The following RBFOX1 variants were observed in gnomAD, a reference collection of about 807,000 sequenced individuals.
The protein encoded by RBFOX1 is RNA binding fox-1 homolog 1.
RBFOX1 carries 8 observed loss-of-function variants against 57.7 expected under a neutral mutation model. The observed-to-expected ratio is 0.14, with a 90% confidence interval of 0.08 to 0.25. RBFOX1 has a LOEUF of 0.25. Ranked by LOEUF, RBFOX1 falls within the 10% of genes least tolerant of loss-of-function variation. The pLI is 1.00. For missense variants in RBFOX1, 611 were observed against 548.5 expected, an observed-to-expected ratio of 1.11 and a Z score of -1.14; for synonymous variants, 326 against 222.4, an observed-to-expected ratio of 1.47 and a Z score of -4.15.
intron 4 of RBFOX1, among the ~76,000 whole-genome samples, chr16:7,222,887 C>G (rs78513301): frequency 0.027 from 4,180 of 152,148 alleles, 201 homozygotes; most frequent in African/African-American, 0.096. Context: ...TGTTTTTGTC[C>G]AAGAAGTTCA....
intron 2 of RBFOX1, among the ~76,000 whole-genome samples, chr16:6,563,672 C>G (rs111873116): frequency 1.2e-3 from 189 of 152,078 alleles, no homozygotes; most frequent in African/African-American, 4.4e-3. Context: ...GGCAAAAGCT[C>G]ATCTCTACAA....
rs138135336 is a variant in RBFOX1, at chr16:6,307,411, A to G, written c.-126-9584A>G. Among the ~76,000 whole-genome samples the G allele has an allele frequency of 5.5e-3, 840 of 151,998 alleles. 11 individuals are homozygous for G. Among genetic ancestry groups the G allele is most frequent in the African/African-American group, 0.019 (802 of 41,460 alleles). The stretch of plus-strand genomic sequence containing the variant: ...TAAAAAAAACATCATCATTATAGCT[A>G]TTAATATTGTCCAATACTAAATGGA... On this transcript the variant is annotated intron_variant, in intron 1 of 15. Coordinates refer to ENST00000550418, the MANE Select transcript of RBFOX1 (RefSeq NM_018723.4).
At chr16:7,261,331 A>G (rs1057302285) in intron 4 of RBFOX1, among the ~76,000 whole-genome samples, 5 of 152,186 alleles carry the variant, frequency 3.3e-5, no homozygotes, top group East Asian at 3.9e-4. Flanking sequence ...GCTTGTGGTT[A>G]TATCATTATC....
At chr16:6,129,004 C>T (rs2096610361) in intron 1 of RBFOX1, among the ~76,000 whole-genome samples, 1 of 152,190 alleles carries the variant, frequency 6.6e-6, no homozygotes, top group South Asian at 2.1e-4. Flanking sequence ...TCAAATGACA[C>T]TCTAGTCATT....
At chr16:6,936,013 G>A (rs1029900012) in intron 3 of RBFOX1, among the ~76,000 whole-genome samples, 1 of 152,186 alleles carries the variant, frequency 6.6e-6, no homozygotes, top group Admixed American at 6.6e-5. Flanking sequence ...GCTAAGTTTG[G>A]ATAATGGCAA....
chr16:7,213,784 A>G (rs1452426152), intron 4 of RBFOX1, among the ~76,000 whole-genome samples: 5 of 152,208 alleles, frequency 3.3e-5, no homozygotes, highest in African/African-American at 1.2e-4. Context: ...ACCAACTCAA[A>G]TCTACTTAAT....
intron 4 of RBFOX1, among the ~76,000 whole-genome samples, chr16:7,412,764 T>C (rs535100575): frequency 4.6e-5 from 7 of 152,216 alleles, no homozygotes; most frequent in Non-Finnish European, 1.0e-4. Flanking sequence ...GAATTACGAC[T>C]GGGCATGGTG....
At chr16:5,899,531 G>C (rs1482490979) in intron 4 of RBFOX1, among the ~76,000 whole-genome samples, 1 of 152,204 alleles carries the variant, frequency 6.6e-6, no homozygotes, top group Non-Finnish European at 1.5e-5. Flanking sequence ...GCCACTCTGT[G>C]TGAATTCCAC....
chr16:7,397,861 A>T (rs534485021), intron 4 of RBFOX1, among the ~76,000 whole-genome samples: 14 of 152,078 alleles, frequency 9.2e-5, no homozygotes, highest in African/African-American at 1.2e-4. Context: ...CTCTTAGTCT[A>T]TTGGAACCTT....
At chr16:6,910,808 T>C (rs1262205306) in intron 3 of RBFOX1, among the ~76,000 whole-genome samples, 2 of 152,184 alleles carry the variant, frequency 1.3e-5, no homozygotes, top group East Asian at 3.8e-4. Flanking sequence ...GGTTGTTTCC[T>C]TTTCAGTTGA....
At chr16:6,834,631 G>T (rs2092953572) in intron 3 of RBFOX1, among the ~76,000 whole-genome samples, 2 of 152,136 alleles carry the variant, frequency 1.3e-5, no homozygotes, top group Non-Finnish European at 2.9e-5. Context: ...AGCAAGGGTA[G>T]ACAGATTGTT....
chr16:6,593,267 A>T (rs2097738908), intron 2 of RBFOX1, among the ~76,000 whole-genome samples: 1 of 152,154 alleles, frequency 6.6e-6, no homozygotes, highest in South Asian at 2.1e-4. Context: ...ACTGGATCTC[A>T]TGTATTCCCT....
intron 7 of RBFOX1, among the ~76,000 whole-genome samples, chr16:7,594,613 C>G (rs1268377350): frequency 6.6e-6 from 1 of 151,968 alleles, no homozygotes; most frequent in African/African-American, 2.4e-5. Context: ...AGCCAATGTA[C>G]CTGTGGTAAA....
At chr16:6,048,199 G>T (rs2095515241) in intron 1 of RBFOX1, among the ~76,000 whole-genome samples, 1 of 152,188 alleles carries the variant, frequency 6.6e-6, no homozygotes, top group Non-Finnish European at 1.5e-5. Flanking sequence ...TGTTGAAGCT[G>T]GCTCAGGAAG....
chr16:7,292,462 TA>T, intron 4 of RBFOX1, among the ~76,000 whole-genome samples: 1 of 141,882 alleles, frequency 7.0e-6, no homozygotes, highest in African/African-American at 2.6e-5. Flanking sequence ...ATGTATTATA[TA>T]TAATATATAA....
intron 4 of RBFOX1, among the ~76,000 whole-genome samples, chr16:7,421,621 G>C (rs187991734): frequency 1.8e-3 from 272 of 152,334 alleles, no homozygotes; most frequent in South Asian, 3.5e-3. Flanking sequence ...GAGGCCCCCA[G>C]TTGGCTGCTG....
chr16:5,669,991 A>AT (rs1185022907), intron 3 of RBFOX1, among the ~76,000 whole-genome samples: 3 of 152,228 alleles, frequency 2.0e-5, no homozygotes, highest in Non-Finnish European at 4.4e-5. Context: ...ACAGCAGAGT[A>AT]TTTTTTATCC....
intron 3 of RBFOX1, among the ~76,000 whole-genome samples, chr16:5,643,016 G>A (rs947479049): frequency 9.2e-5 from 14 of 152,182 alleles, no homozygotes; most frequent in Admixed American, 7.9e-4. Flanking sequence ...AGCCCTTGCA[G>A]CAGGTCAGAA....
intron 2 of RBFOX1, among the ~76,000 whole-genome samples, chr16:6,458,807 A>G (rs928585411): frequency 1.3e-5 from 2 of 152,220 alleles, no homozygotes; most frequent in Non-Finnish European, 2.9e-5. Flanking sequence ...GATTTCTAGG[A>G]CAAACACATC....
Sources: gnomAD v4.1 joint callset for allele counts (sites outside exome capture counted in the v4.1 genomes callset) on GRCh38, gnomAD v4.1.1 for gene constraint, MANE v1.5 for transcripts, NCBI Gene and HGNC (gene_info 2026-07-23, HGNC 2026-07-21) for gene names.